The following ROBO2 variants were observed in gnomAD, a reference collection of about 807,000 sequenced individuals.
ROBO2 encodes roundabout guidance receptor 2.
ROBO2 carries 53 observed loss-of-function variants against 160.8 expected under a neutral mutation model. The observed-to-expected ratio is 0.33, with a 90% confidence interval of 0.26 to 0.41. The LOEUF (loss-of-function observed/expected upper bound fraction) is 0.41, where lower values mean the gene tolerates loss of function less well. Among genes scored for constraint, ROBO2 ranks in the 10% least tolerant of loss-of-function variants. The pLI is 1.00. For synonymous variants in ROBO2, 664 were observed against 611.7 expected, an observed-to-expected ratio of 1.09 and a Z score of -1.26; for missense variants, 1,577 against 1,722.4, an observed-to-expected ratio of 0.92 and a Z score of 1.49.
chr3:77,486,682 AG>A (rs1477716422), intron 4 of ROBO2, among the ~76,000 whole-genome samples: 1 of 152,166 alleles, frequency 6.6e-6, no homozygotes, highest in Admixed American at 6.5e-5. Flanking sequence ...TCAGATGCTT[AG>A]ATTGCAAATA....
chr3:77,617,076 C>G (rs981888996), intron 21 of ROBO2, among the ~76,000 whole-genome samples: 1 of 152,210 alleles, frequency 6.6e-6, no homozygotes, highest in African/African-American at 2.4e-5. Context: ...AGAACAAGAA[C>G]AAGTAAAATT....
intron 2 of ROBO2, among the ~76,000 whole-genome samples, chr3:75,957,486 C>T (rs1280956482): frequency 1.3e-5 from 2 of 150,208 alleles, no homozygotes; most frequent in Non-Finnish European, 3.0e-5. Context: ...CATAAGTTCC[C>T]GCATATAGTT....
intron 6 of ROBO2, among the ~76,000 whole-genome samples, chr3:77,545,246 G>T (rs2092654271): frequency 6.6e-6 from 1 of 152,064 alleles, no homozygotes; most frequent in Non-Finnish European, 1.5e-5. Context: ...CTCCTTTGTA[G>T]CCAAAAGTGT....
At chr3:77,218,492 C>T (rs571975165) in intron 2 of ROBO2, among the ~76,000 whole-genome samples, 165 of 151,996 alleles carry the variant, frequency 1.1e-3, no homozygotes, top group African/African-American at 3.5e-3. Flanking sequence ...TCTGCCTCAG[C>T]CTCTCAAGTA....
intron 2 of ROBO2, among the ~76,000 whole-genome samples, chr3:77,382,469 T>A (rs139209391): frequency 6.6e-6 from 1 of 152,216 alleles, no homozygotes; most frequent in Admixed American, 6.5e-5. Flanking sequence ...GTTAAATGGT[T>A]GAATTGTGTA....
intron 2 of ROBO2, among the ~76,000 whole-genome samples, chr3:76,934,367 G>A (rs2077548349): frequency 6.6e-6 from 1 of 152,002 alleles, no homozygotes; most frequent in South Asian, 2.1e-4. Context: ...TTTGTGGAAT[G>A]TATGATTTGC....
At chr3:76,662,827 C>G (rs575577862) in intron 2 of ROBO2, among the ~76,000 whole-genome samples, 7 of 151,966 alleles carry the variant, frequency 4.6e-5, no homozygotes, top group Admixed American at 4.6e-4. Context: ...ACATGTGAGG[C>G]AAGGAGTAAA....
At chr3:76,052,318 T>C (rs1260835327) in intron 2 of ROBO2, among the ~76,000 whole-genome samples, 1 of 152,094 alleles carries the variant, frequency 6.6e-6, no homozygotes, top group East Asian at 1.9e-4. Context: ...CAAATATGTA[T>C]GCTAGGACTC....
At chr3:76,598,864 C>T (rs1324220877) in intron 2 of ROBO2, among the ~76,000 whole-genome samples, 1 of 152,042 alleles carries the variant, frequency 6.6e-6, no homozygotes, top group African/African-American at 2.4e-5. Flanking sequence ...TCAGTTAGTA[C>T]TTCATCTACG....
At chr3:75,944,094 G>A (rs1948174443) in intron 2 of ROBO2, among the ~76,000 whole-genome samples, 1 of 152,038 alleles carries the variant, frequency 6.6e-6, no homozygotes, top group African/African-American at 2.4e-5. Context: ...GGACTTTCCT[G>A]CCAGAAAAGT....
At chr3:76,086,460 T>C (rs2108063074) in intron 2 of ROBO2, among the ~76,000 whole-genome samples, 1 of 152,196 alleles carries the variant, frequency 6.6e-6, no homozygotes, top group African/African-American at 2.4e-5. Context: ...CTTGTCATCC[T>C]ATGTCACCCA....
At chr3:76,349,313 G>A (rs534612414) in intron 2 of ROBO2, among the ~76,000 whole-genome samples, 48 of 152,110 alleles carry the variant, frequency 3.2e-4, no homozygotes, top group African/African-American at 1.2e-3. Context: ...TCCCAATTTT[G>A]TAATAAATAA....
Position 77,607,792 on chromosome 3 carries a change from T to C in ROBO2, c.3137-6T>C. 6.2e-7 allele frequency: 1 copy of C among 1,613,112 alleles called. No individual in the cohort carries two copies. The highest frequency in any genetic ancestry group is 8.5e-7 in the Non-Finnish European group (1 of 1,179,158). ...CATCTCTGAATAAATACGTTATTAC[T>C]TTCAGGTGGGAAAGGTGGAAAAAAG... is the stretch of plus-strand genomic sequence containing the variant. On this transcript the variant is annotated splice_polypyrimidine_tract_variant and splice_region_variant and intron_variant, in intron 20 of 25. Coordinates refer to ENST00000461745, the Ensembl canonical transcript of ROBO2.
At chr3:76,701,263 G>T (rs1240817593) in intron 2 of ROBO2, among the ~76,000 whole-genome samples, 1 of 152,080 alleles carries the variant, frequency 6.6e-6, no homozygotes. Flanking sequence ...TAGTTTAAGA[G>T]CATAATCAAA....
rs142105570 is a variant in ROBO2 at position 76,652,861 on chromosome 3, T to G, written c.110-445153T>G. 3.3e-3 allele frequency among the ~76,000 whole-genome samples: 503 copies of G among 152,216 alleles called. 6 individuals are homozygous for G. The highest frequency in any genetic ancestry group is 0.025 in the South Asian group (121 of 4,828). On this transcript the variant is annotated intron_variant, in intron 2 of 26. Transcript: ENST00000487694. ...AAAAACAATGAAGGGTTATGGCCTC[T>G]TTTTTTAATTCTAGCATTCTGGCAT...
At chr3:77,232,228 T>C (rs957035405) in intron 2 of ROBO2, among the ~76,000 whole-genome samples, 6 of 152,114 alleles carry the variant, frequency 3.9e-5, no homozygotes, top group African/African-American at 1.4e-4. Flanking sequence ...TTTAAGTTGG[T>C]GGTTAAATTC....
chr3:76,904,350 T>C (rs144566434), intron 2 of ROBO2, among the ~76,000 whole-genome samples: 3,744 of 152,274 alleles, frequency 0.025, 77 homozygotes, highest in Middle Eastern at 0.097. Context: ...CTTCAGATTG[T>C]CTTTCAGTAC....
intron 24 of ROBO2, among the ~76,000 whole-genome samples, chr3:77,636,287 C>T (rs1703124524): frequency 6.6e-6 from 1 of 152,022 alleles, no homozygotes; most frequent in South Asian, 2.1e-4. Context: ...TGTTGTATGA[C>T]TGCAGCTATA....
At chr3:76,623,794 C>A (rs1361993739) in intron 2 of ROBO2, among the ~76,000 whole-genome samples, 1 of 152,132 alleles carries the variant, frequency 6.6e-6, no homozygotes, top group Non-Finnish European at 1.5e-5. Flanking sequence ...ATGTTGGCAT[C>A]ATTATTCCCA....
Sources: allele counts gnomAD v4.1 joint callset (sites outside exome capture counted in the v4.1 genomes callset), GRCh38; gene constraint gnomAD v4.1.1; transcripts MANE v1.5; gene names NCBI Gene and HGNC (gene_info 2026-07-23, HGNC 2026-07-21).